CNTN5: variants seen among roughly 807,000 people sequenced by gnomAD.
The protein encoded by CNTN5 is contactin-5.
Under a neutral mutation model 129.1 loss-of-function variants are expected in CNTN5, and 77 were observed. That is an observed-to-expected ratio of 0.60 (90% CI 0.50 to 0.72). The LOEUF is 0.72. CNTN5 is among the 30% of genes least tolerant of loss of function. The pLI is 0.00. For missense variants in CNTN5, 1,478 were observed against 1,328.8 expected (o/e 1.11, Z -1.75); for synonymous variants, 509 against 465.6 (o/e 1.09, Z -1.20).
intron 1 of CNTN5, among the ~76,000 whole-genome samples, chr11:99,195,374 G>T (rs1029235022): frequency 2.6e-5 from 4 of 151,958 alleles, no homozygotes; most frequent in Admixed American, 2.6e-4. Flanking sequence ...GTGATTTCTG[G>T]GTGAAATGCT....
rs535183713 is a variant in CNTN5, at chr11:99,994,396, T to G, written c.878-7638T>G. ...GTGGGTTCTACAAATAGTATTATAC[T>G]TAGAAAGAGAAAAAAATCAAAATGA... is the stretch of plus-strand genomic sequence containing the variant. On this transcript the variant is annotated intron_variant, in intron 8 of 24. Coordinates refer to ENST00000524871, the MANE Select transcript of CNTN5 (RefSeq NM_014361.4). Among the ~76,000 whole-genome samples the G allele has an allele frequency of 5.3e-5, 8 of 152,252 alleles. No individual in the cohort carries two copies. In the South Asian group the frequency reaches 1.2e-3, roughly 24 times the overall value.
chr11:99,564,645 C>G (rs927287509), intron 3 of CNTN5, among the ~76,000 whole-genome samples: 9 of 152,046 alleles, frequency 5.9e-5, no homozygotes, highest in Admixed American at 1.3e-4. Flanking sequence ...ATTACTGTAG[C>G]CTATTTTTAA....
chr11:99,722,453 G>T (rs763832282), intron 3 of CNTN5, among the ~76,000 whole-genome samples: 1 of 152,008 alleles, frequency 6.6e-6, no homozygotes, highest in Non-Finnish European at 1.5e-5. Context: ...ACACAAAGAC[G>T]AAAATAGACA....
chr11:99,615,137 G>A (rs905432700), intron 3 of CNTN5, among the ~76,000 whole-genome samples: 2 of 150,392 alleles, frequency 1.3e-5, no homozygotes, highest in East Asian at 3.9e-4. Flanking sequence ...CCGAGGAAGA[G>A]TGAATAAGAA....
rs909438151 is a variant in CNTN5, at chr11:99,888,975, A to G, written c.578-27079A>G. Among the ~76,000 whole-genome samples, 8 of 89,500 alleles carry G rather than the reference A, an allele frequency of 8.9e-5. No homozygotes were observed. In the Admixed American group the frequency reaches 9.4e-4, roughly 11 times the overall value. The allele number at this position is 89,500 out of a possible 152,430, so 58.7% of individuals were successfully genotyped here. On this transcript the variant is annotated intron_variant, in intron 6 of 24. Coordinates refer to ENST00000524871, the MANE Select transcript of CNTN5 (RefSeq NM_014361.4). ...GTATAAAATGCTTAACATTGTCATT[A>G]GCAAAAGGGAGGGTTCAGTTATTTA...
chr11:99,457,605 G>A (rs781341788), intron 2 of CNTN5, among the ~76,000 whole-genome samples: 3 of 151,634 alleles, frequency 2.0e-5, no homozygotes, highest in Non-Finnish European at 4.4e-5. Context: ...ATTTTTAACA[G>A]GAATTTTGTA....
intron 1 of CNTN5, among the ~76,000 whole-genome samples, chr11:99,133,859 A>G (rs1859083861): frequency 6.6e-6 from 1 of 152,168 alleles, no homozygotes; most frequent in African/African-American, 2.4e-5. Flanking sequence ...TGATTCCTCA[A>G]ATATTTAGAA....
At chr11:99,183,403 G>T (rs759010848) in intron 1 of CNTN5, among the ~76,000 whole-genome samples, 2 of 152,066 alleles carry the variant, frequency 1.3e-5, no homozygotes, top group Admixed American at 1.3e-4. Context: ...TTTTTGCAGA[G>T]ATCATTATAA....
At chr11:99,739,733 A>T (rs1274475621) in intron 3 of CNTN5, among the ~76,000 whole-genome samples, 3 of 152,188 alleles carry the variant, frequency 2.0e-5, no homozygotes, top group Middle Eastern at 3.2e-3. Flanking sequence ...TACATGACTT[A>T]TTCTTCGTTT....
At chr11:99,453,543 T>C (rs1944386811) in intron 2 of CNTN5, among the ~76,000 whole-genome samples, 1 of 152,172 alleles carries the variant, frequency 6.6e-6, no homozygotes, top group African/African-American at 2.4e-5. Context: ...AAACAAGTAA[T>C]TTTAATAAGA....
rs1018763371 is a variant in CNTN5 at position 99,783,061 on chromosome 11, C to T, written c.56-36483C>T. 5.0e-3 allele frequency among the ~76,000 whole-genome samples: 714 copies of T among 142,724 alleles called. 7 individuals carry two copies. Among genetic ancestry groups the T allele is most frequent in the African/African-American group, 0.017 (662 of 38,598 alleles). The allele number at this position is 142,724 out of a possible 152,430, so 93.6% of individuals were successfully genotyped here. On this transcript the variant is annotated intron_variant, in intron 3 of 24. Transcript: ENST00000524871. ...AACCTACAAAATGGGAGAAAATTTT[C>T]GCAACCTACTCATCTGACAAAGGGC...
At chr11:99,741,871 A>C (rs545950358) in intron 3 of CNTN5, among the ~76,000 whole-genome samples, 1 of 152,138 alleles carries the variant, frequency 6.6e-6, no homozygotes, top group Non-Finnish European at 1.5e-5. Flanking sequence ...AGACATGTGA[A>C]CAGTTTTGCA....
At chr11:99,148,969 G>C (rs999661634) in intron 1 of CNTN5, among the ~76,000 whole-genome samples, 8 of 150,958 alleles carry the variant, frequency 5.3e-5, no homozygotes, top group African/African-American at 1.7e-4. Flanking sequence ...TTGTATGAGA[G>C]AGTTTTAGAA....
At chr11:99,510,663 T>C (rs1164689561) in intron 2 of CNTN5, among the ~76,000 whole-genome samples, 1 of 152,174 alleles carries the variant, frequency 6.6e-6, no homozygotes, top group Non-Finnish European at 1.5e-5. Flanking sequence ...TTTAGTGACA[T>C]TGTGTCCTTT....
intron 3 of CNTN5, among the ~76,000 whole-genome samples, chr11:99,769,815 C>CAA (rs10667902): frequency 0.45 from 57,154 of 127,716 alleles, 12,153 homozygotes; most frequent in East Asian, 0.7. Context: ...GACCCCGTCT[C>CAA]AAAAAAAAAA....
chr11:100,034,479 C>T (rs908997608), intron 9 of CNTN5, among the ~76,000 whole-genome samples: 1 of 152,194 alleles, frequency 6.6e-6, no homozygotes, highest in Non-Finnish European at 1.5e-5. Context: ...TAATCATTTA[C>T]ATGATTTCTT....
At chr11:99,078,134 T>C (rs1865651112) in intron 1 of CNTN5, among the ~76,000 whole-genome samples, 3 of 152,194 alleles carry the variant, frequency 2.0e-5, no homozygotes, top group African/African-American at 7.2e-5. Flanking sequence ...TTGATATTAA[T>C]GTCATTTCTA....
At chr11:99,390,811 A>G (rs1352794912) in intron 2 of CNTN5, among the ~76,000 whole-genome samples, 1 of 152,146 alleles carries the variant, frequency 6.6e-6, no homozygotes, top group East Asian at 1.9e-4. Flanking sequence ...ATCATATCAT[A>G]AATTGTTATT....
At chr11:99,595,513 A>T (rs539624349) in intron 3 of CNTN5, among the ~76,000 whole-genome samples, 11 of 152,280 alleles carry the variant, frequency 7.2e-5, no homozygotes, top group African/African-American at 2.6e-4. Context: ...AACATGAAAT[A>T]TTAGTAAAAA....
Sources: gnomAD v4.1 joint callset for allele counts (sites outside exome capture counted in the v4.1 genomes callset) on GRCh38, gnomAD v4.1.1 for gene constraint, MANE v1.5 for transcripts, NCBI Gene and HGNC (gene_info 2026-07-23, HGNC 2026-07-21) for gene names.